Variants in IL1RAPL1 observed in about 807,000 individuals in gnomAD.
IL1RAPL1 encodes interleukin 1 receptor accessory protein like 1.
Under a neutral mutation model 48.4 loss-of-function variants are expected in IL1RAPL1, and 3 were observed. That is an observed-to-expected ratio of 0.06 (90% CI 0.03 to 0.16). IL1RAPL1 has a LOEUF of 0.16. IL1RAPL1 is among the 10% of genes least tolerant of loss of function. The pLI is 1.00. For missense variants in IL1RAPL1, 349 were observed against 530.6 expected, an observed-to-expected ratio of 0.66 and a Z score of 3.36; for synonymous variants, 185 against 187.7, an observed-to-expected ratio of 0.99 and a Z score of 0.12.
chrX:28,765,174 G>A (rs1201080414), intron 1 of IL1RAPL1, among the ~76,000 whole-genome samples: 4 of 106,125 alleles, frequency 3.8e-5, no homozygotes, highest in African/African-American at 1.4e-4. Context: ...TGGGGGGTAG[G>A]GAAAGCATTA....
intron 2 of IL1RAPL1, among the ~76,000 whole-genome samples, chrX:29,066,546 A>G (rs948115690): frequency 3.6e-5 from 4 of 112,480 alleles, no homozygotes; most frequent in African/African-American, 1.3e-4. Context: ...GGGCAAGGCC[A>G]CTGGCCTACT....
At chrX:29,018,222 C>G (rs968844450) in intron 2 of IL1RAPL1, among the ~76,000 whole-genome samples, 6 of 112,041 alleles carry the variant, frequency 5.4e-5, no homozygotes, top group African/African-American at 1.9e-4. Flanking sequence ...GTTTCATTGC[C>G]TCACAGACTA....
chrX:29,808,835 T>G (rs1235157000), intron 6 of IL1RAPL1, among the ~76,000 whole-genome samples: 1 of 111,421 alleles, frequency 9.0e-6, no homozygotes, highest in African/African-American at 3.3e-5. Flanking sequence ...TACTCAGTCT[T>G]TAAAGTCTAT....
chrX:29,216,210 G>A (rs1042774107), intron 2 of IL1RAPL1, among the ~76,000 whole-genome samples: 5 of 110,642 alleles, frequency 4.5e-5, no homozygotes, highest in Admixed American at 3.9e-4. Flanking sequence ...TTTTTGTTGA[G>A]ACAGGGTCTC....
chrX:29,205,732 T>A (rs765978457), intron 2 of IL1RAPL1, among the ~76,000 whole-genome samples: 88 of 49,830 alleles, frequency 1.8e-3, no homozygotes, highest in African/African-American at 3.3e-3. Context: ...TTTTATTTTT[T>A]TTATTATTAT....
chrX:29,488,968 T>C (rs1177489602), intron 5 of IL1RAPL1, among the ~76,000 whole-genome samples: 1 of 111,153 alleles, frequency 9.0e-6, no homozygotes, highest in Non-Finnish European at 1.9e-5. Flanking sequence ...AGAGTCTTGA[T>C]TAGATGACAT....
At chrX:29,141,848 C>T (rs2147492088) in intron 2 of IL1RAPL1, among the ~76,000 whole-genome samples, 1 of 111,846 alleles carries the variant, frequency 8.9e-6, no homozygotes, top group African/African-American at 3.2e-5. Flanking sequence ...TTGTCAATAT[C>T]AAATATGCAT....
At chrX:29,908,900 A>ATGTT (rs779245378) in intron 6 of IL1RAPL1, among the ~76,000 whole-genome samples, 2 of 112,014 alleles carry the variant, frequency 1.8e-5, no homozygotes, top group South Asian at 7.5e-4. Context: ...CACTTTCCAA[A>ATGTT]TGTTAGCTAG....
chrX:29,724,456 A>G (rs774684212), intron 6 of IL1RAPL1, among the ~76,000 whole-genome samples: 6 of 112,475 alleles, frequency 5.3e-5, no homozygotes, highest in Non-Finnish European at 9.4e-5. Context: ...ATTACAAAGT[A>G]ATACATTGAC....
chrX:29,709,906 A>G (rs1253774338), intron 6 of IL1RAPL1, among the ~76,000 whole-genome samples: 1 of 111,609 alleles, frequency 9.0e-6, no homozygotes, highest in Non-Finnish European at 1.9e-5. Context: ...ACTTCTAAGT[A>G]TTTTACTGTT....
At chrX:29,596,775 G>C (rs1923563869) in intron 5 of IL1RAPL1, among the ~76,000 whole-genome samples, 1 of 111,911 alleles carries the variant, frequency 8.9e-6, no homozygotes, top group Non-Finnish European at 1.9e-5. Flanking sequence ...ATGTTGAATA[G>C]AAGTGGTGAG....
At chrX:29,087,610 A>G (rs1164372648) in intron 2 of IL1RAPL1, among the ~76,000 whole-genome samples, 3 of 112,630 alleles carry the variant, frequency 2.7e-5, no homozygotes, top group African/African-American at 9.7e-5. Flanking sequence ...TAATTAAGCA[A>G]TGAAGCCAAT....
intron 2 of IL1RAPL1, among the ~76,000 whole-genome samples, chrX:29,018,645 G>T (rs1051270163): frequency 8.9e-6 from 1 of 112,040 alleles, no homozygotes; most frequent in Non-Finnish European, 1.9e-5. Flanking sequence ...TCAGGGAAAT[G>T]ATCTTCTCAG....
At chrX:29,656,846 A>T (rs1344303891) in intron 5 of IL1RAPL1, among the ~76,000 whole-genome samples, 1 of 111,327 alleles carries the variant, frequency 9.0e-6, no homozygotes, top group African/African-American at 3.3e-5. Flanking sequence ...CTTGATTTTC[A>T]GTTGTTTGTG....
intron 6 of IL1RAPL1, among the ~76,000 whole-genome samples, chrX:29,796,902 A>T (rs1929752237): frequency 8.9e-6 from 1 of 112,405 alleles, no homozygotes. Flanking sequence ...GCCCAGGCTT[A>T]GGAGCTTTGC....
At chrX:28,827,040 A>G (rs1431024731) in intron 2 of IL1RAPL1, among the ~76,000 whole-genome samples, 1 of 111,550 alleles carries the variant, frequency 9.0e-6, no homozygotes, top group Non-Finnish European at 1.9e-5. Flanking sequence ...AATTGAATTT[A>G]TTTGAACATA....
intron 1 of IL1RAPL1, among the ~76,000 whole-genome samples, chrX:28,688,190 T>C (rs1466167931): frequency 4.6e-5 from 3 of 65,616 alleles, no homozygotes; most frequent in Non-Finnish European, 7.7e-5. Context: ...TAGGTTATAA[T>C]ATATCACATT....
chrX:28,615,032 G>GCA (rs1280847792), intron 1 of IL1RAPL1, among the ~76,000 whole-genome samples: 1 of 109,361 alleles, frequency 9.1e-6, no homozygotes, highest in Non-Finnish European at 1.9e-5. Context: ...GGGACTACAG[G>GCA]TGCCCGCCAC....
chrX:29,903,185 A>T (rs7892518), intron 6 of IL1RAPL1, among the ~76,000 whole-genome samples: 1,633 of 83,527 alleles, frequency 0.02, 26 homozygotes, highest in Non-Finnish European at 0.027. Flanking sequence ...TGTGTGTGTG[A>T]GAGAGAGAGA....
Sources: gnomAD v4.1 joint callset for allele counts (sites outside exome capture counted in the v4.1 genomes callset) on GRCh38, gnomAD v4.1.1 for gene constraint, MANE v1.5 for transcripts, NCBI Gene and HGNC (gene_info 2026-07-23, HGNC 2026-07-21) for gene names.